RARB: variants seen among roughly 807,000 people sequenced by gnomAD.
RARB encodes HBV-activated protein.
A neutral mutation model predicts 51.9 loss-of-function variants in RARB; 17 were observed. That is an observed-to-expected ratio of 0.33 (90% CI 0.22 to 0.49). The LOEUF (loss-of-function observed/expected upper bound fraction) is 0.49, where lower values mean the gene tolerates loss of function less well. Ranked by LOEUF, RARB falls within the 20% of genes least tolerant of loss-of-function variation. The probability of loss-of-function intolerance (pLI) is 0.99; values close to 1 mark genes in which losing one functional copy is unlikely to be tolerated. For missense variants in RARB, 369 were observed against 550.8 expected, an observed-to-expected ratio of 0.67 and a Z score of 3.30; for synonymous variants, 215 against 195.4, an observed-to-expected ratio of 1.10 and a Z score of -0.84.
At chr3:25,217,506 A>G (rs775958826) in intron 5 of RARB, among the ~76,000 whole-genome samples, 9 of 151,850 alleles carry the variant, frequency 5.9e-5, no homozygotes, top group South Asian at 4.2e-4. Context: ...ACCCCCCCCA[A>G]TTCTGATCCT....
At chr3:24,935,170 T>C (rs1289268650) in intron 2 of RARB, among the ~76,000 whole-genome samples, 1 of 152,174 alleles carries the variant, frequency 6.6e-6, no homozygotes, top group African/African-American at 2.4e-5. Flanking sequence ...ATAAGGCACT[T>C]TCATATTCTG....
intron 5 of RARB, among the ~76,000 whole-genome samples, chr3:25,214,189 G>T (rs1358178560): frequency 6.6e-6 from 1 of 152,190 alleles, no homozygotes; most frequent in East Asian, 1.9e-4. Context: ...CTCTAGTGGG[G>T]CCCTATCCTT....
chr3:25,515,346 A>C (rs1000481086), intron 3 of RARB, among the ~76,000 whole-genome samples: 4 of 152,216 alleles, frequency 2.6e-5, no homozygotes, highest in Admixed American at 2.6e-4. Flanking sequence ...ATCAAGCCAA[A>C]GTTTGGAAAA....
At chr3:25,131,177 T>G (rs1342787802) in intron 3 of RARB, among the ~76,000 whole-genome samples, 1 of 151,926 alleles carries the variant, frequency 6.6e-6, no homozygotes, top group African/African-American at 2.4e-5. Flanking sequence ...CCAAAAGTTA[T>G]GCAGAGTGAG....
chr3:24,831,120 T>C (rs1240715627), intron 1 of RARB, among the ~76,000 whole-genome samples: 1 of 152,182 alleles, frequency 6.6e-6, no homozygotes, highest in African/African-American at 2.4e-5. Context: ...AAGGCATATA[T>C]ACACAAATAA....
At chr3:25,077,775 C>T (rs1015024696) in intron 3 of RARB, among the ~76,000 whole-genome samples, 13 of 151,948 alleles carry the variant, frequency 8.6e-5, no homozygotes, top group Non-Finnish European at 8.8e-5. Flanking sequence ...AACCTTTTTA[C>T]GGAGTGGTTT....
At chr3:24,961,902 G>C (rs1408445806) in intron 2 of RARB, among the ~76,000 whole-genome samples, 1 of 141,400 alleles carries the variant, frequency 7.1e-6, no homozygotes, top group Non-Finnish European at 1.5e-5. Context: ...ACAAACCTTA[G>C]TGTTCCCTTT....
chr3:25,508,304 T>C (rs1697712638), intron 3 of RARB, among the ~76,000 whole-genome samples: 1 of 152,154 alleles, frequency 6.6e-6, no homozygotes. Flanking sequence ...CATGGGTCGA[T>C]TGGATGGAAT....
chr3:25,189,982 G>C (rs1363152995), intron 5 of RARB, among the ~76,000 whole-genome samples: 3 of 152,162 alleles, frequency 2.0e-5, no homozygotes, highest in Middle Eastern at 3.4e-3. Context: ...CTTGCAGTGG[G>C]GCCAGAGTTA....
intron 2 of RARB, among the ~76,000 whole-genome samples, chr3:24,949,919 G>A (rs955242021): frequency 9.2e-5 from 14 of 152,272 alleles, no homozygotes; most frequent in African/African-American, 2.4e-4. Flanking sequence ...AACTGACACC[G>A]GATTCTCCAG....
intron 5 of RARB, among the ~76,000 whole-genome samples, chr3:25,305,125 G>A (rs1349534919): frequency 2.6e-5 from 4 of 152,098 alleles, no homozygotes; most frequent in South Asian, 2.1e-4. Flanking sequence ...GCCTCTGGAC[G>A]TAGGATACAC....
At chr3:25,200,617 T>A (rs1278648551) in intron 5 of RARB, among the ~76,000 whole-genome samples, 2 of 152,194 alleles carry the variant, frequency 1.3e-5, no homozygotes, top group African/African-American at 4.8e-5. Flanking sequence ...TTAATTTTTG[T>A]ACAAGGTGTA....
intron 1 of RARB, among the ~76,000 whole-genome samples, chr3:24,857,457 T>TA (rs1211712837): frequency 6.6e-6 from 1 of 152,208 alleles, no homozygotes; most frequent in African/African-American, 2.4e-5. Flanking sequence ...AACAAATATA[T>TA]TTTTTAGCAT....
intron 5 of RARB, among the ~76,000 whole-genome samples, chr3:25,591,332 C>T (rs1460118341): frequency 6.6e-6 from 1 of 152,224 alleles, no homozygotes; most frequent in Non-Finnish European, 1.5e-5. Flanking sequence ...AAGCTCTGCA[C>T]CCCTCTACAG....
intron 3 of RARB, among the ~76,000 whole-genome samples, chr3:25,544,148 G>A (rs1465644415): frequency 6.6e-6 from 1 of 151,966 alleles, no homozygotes; most frequent in Admixed American, 6.6e-5. Flanking sequence ...TATTTACAAA[G>A]TTAAGTTTAA....
chr3:25,219,833 GT>G (rs1334298113), intron 5 of RARB, among the ~76,000 whole-genome samples: 4 of 152,196 alleles, frequency 2.6e-5, no homozygotes, highest in African/African-American at 4.8e-5. Flanking sequence ...CTCCACAGAG[GT>G]TTTTAACTCA....
At chr3:25,237,214 T>C (rs1256947873) in intron 5 of RARB, among the ~76,000 whole-genome samples, 1 of 152,132 alleles carries the variant, frequency 6.6e-6, no homozygotes, top group Non-Finnish European at 1.5e-5. Context: ...CTAATCCCTT[T>C]GGAGAACTTG....
rs1440398586 is a variant in RARB, at chr3:25,558,548, T to A, written c.449-11210T>A. 1.5e-4 allele frequency among the ~76,000 whole-genome samples: 16 copies of A among 105,486 alleles called. No individual in the cohort carries two copies. The South Asian group carries it at 2.6e-3, about 17-fold the overall frequency. The allele number at this position is 105,486 out of a possible 152,430, so 69.2% of individuals were successfully genotyped here. ...CTGGCCCTTTTTTTTTTTTTTTTTTTATCTTTCCTCTCTCTCACCTTAGAT... is the reference window on the plus strand; with the variant it reads ...CTGGCCCTTTTTTTTTTTTTTTTTTAATCTTTCCTCTCTCTCACCTTAGAT... On this transcript the variant is annotated intron_variant, in intron 3 of 7. Coordinates refer to ENST00000330688, the MANE Select transcript of RARB (RefSeq NM_000965.5).
At chr3:25,389,939 G>T (rs752258969) in intron 5 of RARB, among the ~76,000 whole-genome samples, 56 of 152,124 alleles carry the variant, frequency 3.7e-4, no homozygotes, top group Non-Finnish European at 3.1e-4. Context: ...GATAGCAAAA[G>T]GTTCCAAGAC....
Sources: gnomAD v4.1 joint callset for allele counts (sites outside exome capture counted in the v4.1 genomes callset) on GRCh38, gnomAD v4.1.1 for gene constraint, MANE v1.5 for transcripts, NCBI Gene and HGNC (gene_info 2026-07-23, HGNC 2026-07-21) for gene names.